Variants in DHX16 observed in about 807,000 individuals in gnomAD.
DHX16 encodes pre-mRNA-splicing factor ATP-dependent RNA helicase DHX16.
Under a neutral mutation model 131.2 loss-of-function variants are expected in DHX16, and 81 were observed. The observed-to-expected ratio is 0.62, with a 90% CI of 0.52 to 0.74. The LOEUF (loss-of-function observed/expected upper bound fraction) is 0.74, where lower values mean the gene tolerates loss of function less well. Ranked by LOEUF, DHX16 falls within the 30% of genes least tolerant of loss-of-function variation. The pLI, the probability that DHX16 is intolerant of heterozygous loss-of-function variation, is 0.00. For missense variants in DHX16, 980 were observed against 1,363.1 expected, an observed-to-expected ratio of 0.72 and a Z score of 4.43; for synonymous variants, 440 against 520.2, an observed-to-expected ratio of 0.85 and a Z score of 2.10.
chr6:30,655,558 C>T lies in DHX16; in HGVS notation c.2538G>A (p.Met846Ile), dbSNP rs1767903822. 2 of 1,613,070 alleles carry T rather than the reference C, an allele frequency of 1.2e-6. No homozygotes were observed. The highest frequency in any genetic ancestry group is 1.7e-6 in the Non-Finnish European group (2 of 1,180,036). Residue 846 changes from methionine (M) to isoleucine (I), a missense_variant, in exon 17 of 20, where the codon ATG becomes ATA. By Grantham distance (10) the Met-to-Ile change is conservative. This residue lies in a region of DHX16 where 214 missense variants were observed against 271.2 expected (regional missense o/e 0.79). Transcript: ENST00000376442. ...CSEEILTVAA[M>I]LSVNNSIFYR... is the part of the protein sequence containing the mutation. Reference sequence around the variant, plus strand: ...AGAAGATGGAGTTGTTGACAGAGAGCATGGCAGCCACTGTCAGGATCTCCT... The same window carrying T: ...AGAAGATGGAGTTGTTGACAGAGAGTATGGCAGCCACTGTCAGGATCTCCT...
At chr6:30,660,270 G>A in intron 9 of DHX16, 28 bp from the exon 10 acceptor site, 1 of 1,507,360 alleles carries the variant, frequency 6.6e-7, no homozygotes, top group Non-Finnish European at 8.9e-7. Context: ...GAGCAATGAG[G>A]GAAGAGCGCT....
intron 4 of DHX16, among the ~76,000 whole-genome samples, chr6:30,666,467 A>G (rs1769052902): frequency 6.6e-6 from 1 of 152,190 alleles, no homozygotes; most frequent in Admixed American, 6.5e-5. Context: ...CCACTATGAC[A>G]TCATCCTCTC....
Position 30,671,283 on chromosome 6 carries a change from A to G in DHX16, c.208-9T>C. Reference sequence around the variant, plus strand: ...ACTGCCTTTCGTGGTACCTGTCAGTAGAGGGGAAGATAAGGAGGTCTGAGC... The same window carrying G: ...ACTGCCTTTCGTGGTACCTGTCAGTGGAGGGGAAGATAAGGAGGTCTGAGC... On this transcript the variant is annotated splice_polypyrimidine_tract_variant and intron_variant, in intron 1 of 19. Coordinates refer to ENST00000376442, the MANE Select transcript of DHX16 (RefSeq NM_003587.5). 1 of 1,612,036 alleles carries G rather than the reference A, an allele frequency of 6.2e-7. No homozygotes were observed. The highest frequency in any genetic ancestry group is 1.1e-5 in the South Asian group (1 of 91,014).
rs1406998751 is a variant in DHX16, at chr6:30,662,781, T to C, written c.1429-39A>G. ...CCATTAGCAACCAAGTGTGGGCTGG[T>C]GTGCCCTGAAAGGAACTTGGGGAAA... On this transcript the variant is annotated intron_variant, in intron 8 of 19. Transcript: ENST00000376442. The surrounding 1 kb of genome is among the most constrained non-coding windows in gnomAD (Gnocchi z 4.7). 4 of 1,595,652 alleles carry C rather than the reference T, an allele frequency of 2.5e-6. No homozygotes were observed. The highest frequency in any genetic ancestry group is 2.2e-5 in the East Asian group (1 of 44,810).
rs989549079 is a variant in DHX16, at chr6:30,662,479, T to C, written c.1544+148A>G. The C allele has an allele frequency of 1.1e-5, 7 of 656,698 alleles. No individual in the cohort carries two copies. Among genetic ancestry groups the C allele is most frequent in the African/African-American group, 9.0e-5 (5 of 55,286 alleles). 40.7% of individuals were successfully genotyped at this position (656,698 alleles called of 1,614,324 possible). A position where few individuals can be genotyped will look rare whatever the true frequency, so the allele number is the denominator to read the frequency against. ...GAGGCTTTCTCTACAATCTCTTCTG[T>C]CCTCCAGCCCCATCTCCGTGGTACC... On this transcript the variant is annotated intron_variant, in intron 9 of 19. Transcript: ENST00000376442. The surrounding 1 kb of genome is among the most constrained non-coding windows in gnomAD (Gnocchi z 4.7).
rs367701092 is a variant in DHX16, at chr6:30,656,800, G to C, written c.2149-41C>G. The C allele has an allele frequency of 3.3e-5, 53 of 1,608,426 alleles. No homozygotes were observed. Among genetic ancestry groups the C allele is most frequent in the Non-Finnish European group, 4.4e-5 (52 of 1,179,266 alleles). On this transcript the variant is annotated intron_variant, in intron 13 of 19. Coordinates refer to ENST00000376442, the MANE Select transcript of DHX16 (RefSeq NM_003587.5). The surrounding 1 kb of genome is among the most constrained non-coding windows in gnomAD (Gnocchi z 5.1). ...AACAGGCTGGCTGACAATTTGGTCAGGGAAAAGAAAAAGGCAGTATTTATG... is the reference window on the plus strand; with the variant it reads ...AACAGGCTGGCTGACAATTTGGTCACGGAAAAGAAAAAGGCAGTATTTATG...
chr6:30,671,154 T>C lies in DHX16; in HGVS notation c.328A>G (p.Thr110Ala). 5 of 1,613,024 alleles carry C rather than the reference T, an allele frequency of 3.1e-6. No homozygotes were observed. Among genetic ancestry groups the C allele is most frequent in the Non-Finnish European group, 4.2e-6 (5 of 1,180,022 alleles). The part of the protein sequence containing the change: ...LEDSEESSEE[T>A]VSRAGSSLQK... ...AGGCTGCTTCCAGCCCTACTCACAGTCTCCTCACTGCTCTCTTCACTGTCT... is the reference window on the plus strand; with the variant it reads ...AGGCTGCTTCCAGCCCTACTCACAGCCTCCTCACTGCTCTCTTCACTGTCT... The change falls in exon 2 of 20, where the codon ACT becomes GCT. Residue 110 changes from threonine to alanine, a missense_variant. By Grantham distance (58) the Thr-to-Ala change is moderately conservative. This residue lies in a region of DHX16 where 457 missense variants were observed against 554.8 expected (regional missense o/e 0.82). Coordinates refer to ENST00000376442, the MANE Select transcript of DHX16 (RefSeq NM_003587.5).
chr6:30,665,563 G>A lies in DHX16; in HGVS notation c.837C>T (p.Leu279=), dbSNP rs558087065. 3.0e-5 allele frequency: 48 copies of A among 1,613,014 alleles called. No individual in the cohort carries two copies. Among genetic ancestry groups the A allele is most frequent in the African/African-American group, 5.3e-5 (4 of 75,038 alleles). ...CCCCAGCTGCCCGGTACTCCCGGGC[G>A]AGATCCCGCACTCGCCGCTTATATT... The part of the protein sequence containing the change: ...ELKYKRRVRD[L]AREYRAAGEQ... Residue 279 remains leucine (L), a synonymous_variant, in exon 5 of 20, where the codon CTC becomes CTT. Transcript: ENST00000376442. This position sits in a 1 kb window ranked among gnomAD's most constrained non-coding sequence, Gnocchi z 4.8.
At chr6:30,671,359 T>TA in intron 1 of DHX16, 85 bp from the exon 2 acceptor site, 1 of 1,315,440 alleles carries the variant, frequency 7.6e-7, no homozygotes, top group Non-Finnish European at 1.1e-6. Flanking sequence ...TTTAAGCAAT[T>TA]ACTTAGTCTT....
At chr6:30,672,120 G>A (rs1769615476) in intron 1 of DHX16, among the ~76,000 whole-genome samples, 1 of 151,480 alleles carries the variant, frequency 6.6e-6, no homozygotes, top group African/African-American at 2.4e-5. Context: ...ACCAGCCTGC[G>A]CAACACACCA....
At chr6:30,653,639 A>ATCCTGCCT (rs1347701787) in intron 19 of DHX16, among the ~76,000 whole-genome samples, 1 of 152,226 alleles carries the variant, frequency 6.6e-6, no homozygotes, top group African/African-American at 2.4e-5. Flanking sequence ...AAGTGCTGGG[A>ATCCTGCCT]TGGTTTACAA....
In DHX16 at chr6:30,654,549, CAAAA is replaced by C. The variant is rs370733165; in HGVS notation, c.2997+153_2997+156del. On this transcript the variant is annotated intron_variant, in intron 19 of 19. Transcript: ENST00000376442. The stretch of plus-strand genomic sequence containing the variant: ...TGGACAACAGAGTGAGACTCCGTCT[CAAAA>C]AAAACAAAAAAAAACAAAGGATGTC... 9.7e-3 allele frequency among the ~76,000 whole-genome samples: 1,455 copies of C among 150,654 alleles called. 23 individuals carry two copies. Among genetic ancestry groups the C allele is most frequent in the African/African-American group, 0.033 (1,356 of 41,094 alleles).
Position 30,672,791 on chromosome 6 carries a change from C to T in DHX16, c.51G>A (p.Ser17=). 1.2e-6 allele frequency: 2 copies of T among 1,612,992 alleles called. No homozygotes were observed. The highest frequency in any genetic ancestry group is 1.7e-6 in the Non-Finnish European group (2 of 1,180,036). ...CGTGCCGCTCGCTCAGCCCCAACAC[C>T]GAGTGCAGCTCGTCCTGAACCCAGC... ...LERWVQDELH[S]VLGLSERHVA... is the part of the protein sequence containing the mutation. Residue 17 remains serine, a synonymous_variant, in exon 1 of 20, where the codon TCG becomes TCA. Transcript: ENST00000376442.
chr6:30,654,617 C>T, intron 19 of DHX16, 89 bp downstream of exon 19: 2 of 1,321,636 alleles, frequency 1.5e-6, no homozygotes, highest in Non-Finnish European at 2.1e-6. Context: ...TGTACCAGTC[C>T]CAGCAACTTG....
chr6:30,666,804 A>C (rs1318336979), intron 4 of DHX16, among the ~76,000 whole-genome samples: 1 of 151,892 alleles, frequency 6.6e-6, no homozygotes, highest in Non-Finnish European at 1.5e-5. Flanking sequence ...ACAAAACTGC[A>C]TCTTTAAAAA....
intron 12 of DHX16, among the ~76,000 whole-genome samples, chr6:30,657,555 C>A (rs199935424): frequency 1.3e-5 from 2 of 152,010 alleles, no homozygotes; most frequent in East Asian, 3.9e-4. Context: ...CTCTAGAATT[C>A]AATCCAAGCC....
Position 30,665,086 on chromosome 6 carries a change from C to T in DHX16, c.1110G>A (p.Gln370=), listed in dbSNP as rs149565043. The stretch of plus-strand genomic sequence containing the variant: ...CCCCTCTTACCTCATCACCCTGGAG[C>T]TGAGTGGCCCGGACAAACTCAATGG... ...EETIEFVRAT[Q]LQGDEEPSAP... Residue 370 remains glutamine (Q), a synonymous_variant, in exon 6 of 20, where the codon CAG becomes CAA. Coordinates refer to ENST00000376442, the MANE Select transcript of DHX16 (RefSeq NM_003587.5). This position sits in a 1 kb window ranked among gnomAD's most constrained non-coding sequence, Gnocchi z 4.8. The T allele has an allele frequency of 3.1e-5, 50 of 1,614,072 alleles. No individual in the cohort carries two copies. The highest frequency in any genetic ancestry group is 1.3e-4 in the African/African-American group (10 of 75,014).
At position 30,665,342 on chromosome 6, in the gene DHX16, A is replaced by G; in HGVS notation, c.922-68T>C. 3 of 1,590,584 alleles carry G rather than the reference A, an allele frequency of 1.9e-6. No individual in the cohort carries two copies. The highest frequency in any genetic ancestry group is 1.1e-5 in the South Asian group (1 of 90,408). On this transcript the variant is annotated intron_variant, in intron 5 of 19. Coordinates refer to ENST00000376442, the MANE Select transcript of DHX16 (RefSeq NM_003587.5). The surrounding 1 kb of genome is among the most constrained non-coding windows in gnomAD (Gnocchi z 4.8). ...CCTCTCTGCCCTCTCCCCTCTTCCC[A>G]TTACTACCCCCGCCCACTGCCCATT...
In DHX16 at chr6:30,670,378, C is replaced by T; in HGVS notation, c.666+32G>A. 1 of 1,592,980 alleles carries T rather than the reference C, an allele frequency of 6.3e-7. No individual in the cohort carries two copies. The highest frequency in any genetic ancestry group is 8.6e-7 in the Non-Finnish European group (1 of 1,167,706). On this transcript the variant is annotated intron_variant, in intron 4 of 19. Transcript: ENST00000376442. This position sits in a 1 kb window ranked among gnomAD's most constrained non-coding sequence, Gnocchi z 4.4. ...ATCAGAAAGTCTTTCCTTTTGTCTT[C>T]TGATCTTGGCTCCCTAGGCCCTGGG...
Sources: gnomAD v4.1 joint callset for allele counts (sites outside exome capture counted in the v4.1 genomes callset) on GRCh38, gnomAD v4.1.1 for gene constraint, gnomAD v4.1.1 regional missense constraint, Gnocchi (gnomAD v3.1) non-coding constraint, MANE v1.5 for transcripts, NCBI Gene and HGNC (gene_info 2026-07-23, HGNC 2026-07-21) for gene names.